The following PROM1 variants were observed in gnomAD, a reference collection of about 807,000 sequenced individuals.
PROM1 encodes prominin-1.
In PROM1, 105 loss-of-function variants were observed where a neutral mutation model predicts 116.9. The ratio of observed to expected loss-of-function variants is 0.90; its 90% CI spans 0.77 to 1.06. PROM1 has a LOEUF of 1.06. PROM1 is among the 50% of genes least tolerant of loss of function. The pLI, the probability that PROM1 is intolerant of heterozygous loss-of-function variation, is 0.00. For synonymous variants in PROM1, 393 were observed against 387.0 expected, an observed-to-expected ratio of 1.02 and a Z score of -0.18; for missense variants, 1,122 against 1,045.2, an observed-to-expected ratio of 1.07 and a Z score of -1.01.
intron 26 of PROM1, among the ~76,000 whole-genome samples, chr4:15,973,764 C>T (rs1280029456): frequency 1.3e-5 from 2 of 152,068 alleles, no homozygotes; most frequent in East Asian, 1.9e-4. Flanking sequence ...TTTTCTTTGC[C>T]CACCTGCCTT....
chr4:15,997,881 T>C (rs1476244310), intron 15 of PROM1, among the ~76,000 whole-genome samples: 1 of 152,200 alleles, frequency 6.6e-6, no homozygotes, highest in Non-Finnish European at 1.5e-5. Context: ...CAGATTCCTA[T>C]GATCATGACC....
At chr4:16,035,248 C>A (rs1039280786) in intron 4 of PROM1, among the ~76,000 whole-genome samples, 1 of 152,178 alleles carries the variant, frequency 6.6e-6, no homozygotes, top group Non-Finnish European at 1.5e-5. Flanking sequence ...ATTTTTCCAT[C>A]ATTTCTCAGC....
At position 16,033,402 on chromosome 4, in the gene PROM1, G is replaced by T; in HGVS notation, c.411C>A (p.Asn137Lys). 2 of 1,613,782 alleles carry T rather than the reference G, an allele frequency of 1.2e-6. No homozygotes were observed. Among genetic ancestry groups the T allele is most frequent in the Non-Finnish European group, 1.7e-6 (2 of 1,179,846 alleles). The change falls in exon 5 of 28, where the codon AAC (asparagine) becomes AAA (lysine). Residue 137 changes from asparagine to lysine, a missense_variant. By Grantham distance (94) the Asn-to-Lys change is moderately conservative. Transcript: ENST00000447510. ...GYFFCMCRCC[N>K]KCGGEMHQRQ... The stretch of plus-strand genomic sequence containing the variant: ...GCTGGTGCATTTCTCCACCACATTT[G>T]TTACAGCAACGACACATACAAAAGA...
At chr4:16,018,004 A>G (rs1414887928) in intron 9 of PROM1, among the ~76,000 whole-genome samples, 1 of 66,466 alleles carries the variant, frequency 1.5e-5, no homozygotes, top group Non-Finnish European at 3.2e-5. Context: ...TAGACTAGGC[A>G]CATATTTAAA....
intron 2 of PROM1, among the ~76,000 whole-genome samples, chr4:16,042,571 T>C (rs146603485): frequency 4.6e-4 from 70 of 152,292 alleles, no homozygotes; most frequent in African/African-American, 1.6e-3. Context: ...ATTACACTTG[T>C]ACCCCATAAA....
At chr4:16,054,000 A>G (rs1375511459) in intron 2 of PROM1, among the ~76,000 whole-genome samples, 2 of 152,254 alleles carry the variant, frequency 1.3e-5, no homozygotes, top group Admixed American at 1.3e-4. Context: ...AGGCCAAGGC[A>G]GGAGAATCGC....
chr4:16,015,412 G>C (rs990115572), intron 10 of PROM1, among the ~76,000 whole-genome samples: 8 of 150,938 alleles, frequency 5.3e-5, no homozygotes, highest in African/African-American at 2.0e-4. Flanking sequence ...AGTAGCGGCT[G>C]GGTGTGGTGG....
intron 1 of PROM1, among the ~76,000 whole-genome samples, chr4:16,077,643 C>T (rs979116572): frequency 6.6e-6 from 1 of 152,090 alleles, no homozygotes; most frequent in Non-Finnish European, 1.5e-5. Context: ...ATTAACCATG[C>T]GGCCAAGAGT....
chr4:16,034,321 A>C (rs949481262), intron 4 of PROM1, among the ~76,000 whole-genome samples: 45 of 152,198 alleles, frequency 3.0e-4, no homozygotes, highest in African/African-American at 1.0e-3. Context: ...CCTCTGATAC[A>C]CTGGAAATAA....
chr4:16,038,954 A>T lies in PROM1; in HGVS notation c.268T>A (p.Tyr90Asn), dbSNP rs1346916111. The change falls in exon 3 of 28, where the codon TAT becomes AAT. Residue 90 changes from tyrosine (Y) to asparagine (N), a missense_variant. Coordinates refer to ENST00000447510, the MANE Select transcript of PROM1 (RefSeq NM_006017.3). ...CACCAATGAAAAATTACCTTGTCAT[A>T]ATCAATTTTGGATTCATATGCCTTC... ...LQKAYESKID[Y>N]DKPETVILGL... The T allele has an allele frequency of 1.4e-5, 21 of 1,488,342 alleles. No homozygotes were observed. Among genetic ancestry groups the T allele is most frequent in the Admixed American group, 9.2e-5 (4 of 43,488 alleles). The allele number at this position is 1,488,342 out of a possible 1,614,324, so 92.2% of individuals were successfully genotyped here.
intron 5 of PROM1, among the ~76,000 whole-genome samples, chr4:16,026,596 C>T (rs967365461): frequency 9.9e-5 from 15 of 152,092 alleles, no homozygotes; most frequent in Non-Finnish European, 1.8e-4. Flanking sequence ...GGTAGGATGA[C>T]TAAACATCCC....
Position 15,994,076 on chromosome 4 carries a change from G to T in PROM1, c.1683-5C>A. 1 of 1,613,798 alleles carries T rather than the reference G, an allele frequency of 6.2e-7. No individual in the cohort carries two copies. Among genetic ancestry groups the T allele is most frequent in the Non-Finnish European group, 8.5e-7 (1 of 1,179,820 alleles). ...CCTCTATTTTTTTTGCAGTCACTGT[G>T]GGAATGAACAGAGAAATTAGGACCT... On this transcript the variant is annotated splice_region_variant and splice_polypyrimidine_tract_variant and intron_variant, in intron 15 of 27. Coordinates refer to ENST00000447510, the MANE Select transcript of PROM1 (RefSeq NM_006017.3).
At chr4:16,019,897 C>CACACACACAA (rs3221209) in intron 8 of PROM1, among the ~76,000 whole-genome samples, 1 of 148,532 alleles carries the variant, frequency 6.7e-6, no homozygotes, top group African/African-American at 2.5e-5. Flanking sequence ...CACACACACA[C>CACACACACAA]ATTTTAAAAA....
intron 2 of PROM1, among the ~76,000 whole-genome samples, chr4:16,069,575 G>C (rs1560613517): frequency 6.6e-6 from 1 of 152,224 alleles, no homozygotes; most frequent in Non-Finnish European, 1.5e-5. Context: ...TAGTCCTAGA[G>C]ATGGGAGTTT....
chr4:16,064,321 A>G (rs1216667534), intron 2 of PROM1, among the ~76,000 whole-genome samples: 1 of 152,228 alleles, frequency 6.6e-6, no homozygotes, highest in East Asian at 1.9e-4. Context: ...ACATAACAAT[A>G]TGGATAAATT....
intron 3 of PROM1, among the ~76,000 whole-genome samples, chr4:16,038,603 A>G (rs1184869572): frequency 6.6e-6 from 1 of 151,900 alleles, no homozygotes; most frequent in Non-Finnish European, 1.5e-5. Flanking sequence ...GAGTTTCACC[A>G]TATTGGCCAG....
intron 2 of PROM1, among the ~76,000 whole-genome samples, chr4:16,052,839 T>C (rs934836608): frequency 6.6e-6 from 1 of 152,176 alleles, no homozygotes; most frequent in Non-Finnish European, 1.5e-5. Context: ...AGGCAAATGA[T>C]TGTTGGGGAA....
intron 6 of PROM1, among the ~76,000 whole-genome samples, chr4:16,024,613 G>T (rs1351819731): frequency 6.6e-6 from 1 of 152,158 alleles, no homozygotes; most frequent in East Asian, 1.9e-4. Context: ...GAATACAGAA[G>T]AAAGGGTACT....
rs773202851 is a variant in PROM1 at position 15,987,715 on chromosome 4, C to T, written c.2078G>A (p.Ser693Asn). The stretch of plus-strand genomic sequence containing the variant: ...TATCTTGACGCTTTGGTATAGAGTG[C>T]TCTGGCAAGAAACAGATAATATTTC... The part of the protein sequence containing the change: ...QRVLPIEQSL[S>N]TLYQSVKILQ... Residue 693 changes from serine to asparagine, a missense_variant and splice_region_variant, in exon 20 of 28, where the codon AGC becomes AAC. By Grantham distance (46) the Ser-to-Asn change is conservative (BLOSUM62 1). Transcript: ENST00000447510. 3.1e-6 allele frequency: 5 copies of T among 1,609,574 alleles called. No individual in the cohort carries two copies. The Admixed American group carries it at 6.8e-5, about 22-fold the overall frequency.
Sources: allele counts gnomAD v4.1 joint callset (sites outside exome capture counted in the v4.1 genomes callset), GRCh38; gene constraint gnomAD v4.1.1; transcripts MANE v1.5; gene names NCBI Gene and HGNC (gene_info 2026-07-23, HGNC 2026-07-21).